SLC1A2: variants seen among roughly 807,000 people sequenced by gnomAD.
SLC1A2 encodes excitatory amino acid transporter 2.
A neutral mutation model predicts 48.8 loss-of-function variants in SLC1A2; 15 were observed. That is an observed-to-expected ratio of 0.31 (90% CI 0.21 to 0.47). The LOEUF (loss-of-function observed/expected upper bound fraction) is 0.47. Among genes scored for constraint, SLC1A2 ranks in the 20% least tolerant of loss-of-function variants. The pLI is 0.99. For missense variants in SLC1A2, 502 were observed against 730.5 expected (o/e 0.69, Z 3.61); for synonymous variants, 279 against 272.6 (o/e 1.02, Z -0.23).
At chr11:35,290,226 G>A (rs1850952614) in intron 7 of SLC1A2, among the ~76,000 whole-genome samples, 1 of 152,142 alleles carries the variant, frequency 6.6e-6, no homozygotes, top group Non-Finnish European at 1.5e-5. Context: ...ATCCTGAGGG[G>A]ATCATCATAC....
At chr11:35,287,076 T>C (rs1565215350) in intron 7 of SLC1A2, 125 bp from the exon 8 acceptor site, 3 of 751,360 alleles carry the variant, frequency 4.0e-6, no homozygotes, top group Middle Eastern at 3.9e-4. Flanking sequence ...CAATGTGACA[T>C]GCAAAAAAGC....
At chr11:35,306,830 G>A (rs1030872879) in intron 4 of SLC1A2, among the ~76,000 whole-genome samples, 11 of 152,098 alleles carry the variant, frequency 7.2e-5, no homozygotes, top group East Asian at 1.9e-4. Flanking sequence ...GATAACGACC[G>A]CCAGTCTTAT....
chr11:35,290,299 A>AAT (rs2134736498), intron 7 of SLC1A2, among the ~76,000 whole-genome samples: 1 of 152,290 alleles, frequency 6.6e-6, no homozygotes, highest in East Asian at 1.9e-4. Context: ...ACATGCCTTA[A>AAT]ATATACATCA....
At chr11:35,384,196 C>T (rs115887535) in intron 1 of SLC1A2, among the ~76,000 whole-genome samples, 2,709 of 152,276 alleles carry the variant, frequency 0.018, 74 homozygotes, top group African/African-American at 0.062. Flanking sequence ...GTAATAGAAG[C>T]TGTCTTGTCA....
At chr11:35,318,009 A>G (rs578014396) in intron 1 of SLC1A2, among the ~76,000 whole-genome samples, 3 of 152,220 alleles carry the variant, frequency 2.0e-5, no homozygotes, top group Non-Finnish European at 4.4e-5. Flanking sequence ...CGTCACAAAC[A>G]CTGATCATCC....
intron 1 of SLC1A2, chr11:35,418,600 C>A: frequency 4.3e-6 from 1 of 229,936 alleles, no homozygotes; most frequent in Non-Finnish European, 8.4e-6. Flanking sequence ...GCGCTCCAGG[C>A]GCTGCTACCC....
chr11:35,365,879 C>A (rs920176469), intron 1 of SLC1A2, among the ~76,000 whole-genome samples: 1 of 152,110 alleles, frequency 6.6e-6, no homozygotes, highest in South Asian at 2.1e-4. Flanking sequence ...CCTAGGAACA[C>A]GTGGCAACAC....
At chr11:35,410,160 A>G (rs202073839) in intron 1 of SLC1A2, among the ~76,000 whole-genome samples, 1 of 7,044 alleles carries the variant, frequency 1.4e-4, no homozygotes, top group South Asian at 4.0e-3. Flanking sequence ...TTCTAACAAA[A>G]AAAATAGTAT....
chr11:35,256,031 C>T lies in SLC1A2; in HGVS notation c.*4863G>A, dbSNP rs1169535208. ...CTTAAGAAGGAAACAAAGCAGAGAT[C>T]ATAATACATTGGGCTCATAGGGCTG... On this transcript the variant is annotated 3_prime_UTR_variant, in exon 11 of 11. Coordinates refer to ENST00000278379, the MANE Select transcript of SLC1A2 (RefSeq NM_004171.4). The T allele has an allele frequency of 2.6e-5, 4 of 152,134 alleles. No individual in the cohort carries two copies. The highest frequency in any genetic ancestry group is 5.9e-5 in the Non-Finnish European group (4 of 68,012). The allele number at this position is 152,134 out of a possible 1,614,324, so 9.4% of individuals were successfully genotyped here. A position where few individuals can be genotyped will look rare whatever the true frequency, so the allele number is the denominator to read the frequency against.
chr11:35,278,261 C>CTGT (rs1472260618), intron 9 of SLC1A2, among the ~76,000 whole-genome samples: 2 of 133,660 alleles, frequency 1.5e-5, no homozygotes, highest in African/African-American at 5.5e-5. Context: ...CTTCTTACTT[C>CTGT]TGTTTTTTTT....
chr11:35,342,524 GTT>G (rs1565260407), intron 1 of SLC1A2, among the ~76,000 whole-genome samples: 1 of 15,648 alleles, frequency 6.4e-5, no homozygotes, highest in Admixed American at 7.8e-4. Flanking sequence ...TGTTTTTTTT[GTT>G]GTTGTTGTTG....
At position 35,338,852 on chromosome 11, in the gene SLC1A2, A is replaced by C. The variant is rs531464837; in HGVS notation, c.18-21336T>G. 5.3e-5 allele frequency among the ~76,000 whole-genome samples: 8 copies of C among 152,348 alleles called. No homozygotes were observed. In the South Asian group the frequency reaches 6.2e-4, roughly 12 times the overall value. On this transcript the variant is annotated intron_variant, in intron 1 of 10. Transcript: ENST00000278379. ...ACACAATTACTTTACCCACTAAGAT[A>C]CACCTGATCAAGATCACATAACCAG...
intron 9 of SLC1A2, among the ~76,000 whole-genome samples, chr11:35,280,129 T>C (rs1169104354): frequency 1.3e-5 from 2 of 152,178 alleles, no homozygotes; most frequent in African/African-American, 4.8e-5. Context: ...TCTATCCCCC[T>C]ATACCTGGCC....
intron 1 of SLC1A2, among the ~76,000 whole-genome samples, chr11:35,395,671 CTTTTTTT>C (rs111353211): frequency 7.2e-6 from 1 of 138,828 alleles, no homozygotes; most frequent in Non-Finnish European, 1.6e-5. Flanking sequence ...CTCCAAACTT[CTTTTTTT>C]TTTTTTTTTA....
chr11:35,416,712 A>G (rs1046692352), intron 1 of SLC1A2, among the ~76,000 whole-genome samples: 1 of 152,240 alleles, frequency 6.6e-6, no homozygotes, highest in African/African-American at 2.4e-5. Context: ...TCAGTAATGT[A>G]TGTTTCAAGG....
chr11:35,319,430 C>T (rs1851989550), intron 1 of SLC1A2, among the ~76,000 whole-genome samples: 1 of 152,220 alleles, frequency 6.6e-6, no homozygotes, highest in Non-Finnish European at 1.5e-5. Context: ...GAATGTATTT[C>T]CTTAGCCAGC....
intron 1 of SLC1A2, among the ~76,000 whole-genome samples, chr11:35,403,543 G>A (rs1855193873): frequency 6.6e-6 from 1 of 152,150 alleles, no homozygotes; most frequent in African/African-American, 2.4e-5. Context: ...CGTAATTTGG[G>A]CAAAATGAAA....
At chr11:35,367,844 A>G (rs1345072760) in intron 1 of SLC1A2, among the ~76,000 whole-genome samples, 1 of 152,244 alleles carries the variant, frequency 6.6e-6, no homozygotes, top group Non-Finnish European at 1.5e-5. Flanking sequence ...ATTCTAAGAC[A>G]AAATTTTAGA....
chr11:35,353,964 C>T (rs150951205), intron 1 of SLC1A2, among the ~76,000 whole-genome samples: 2 of 152,212 alleles, frequency 1.3e-5, no homozygotes, highest in Admixed American at 1.3e-4. Flanking sequence ...ACAGACAGCA[C>T]TGTTAGAATG....
Sources: allele counts gnomAD v4.1 joint callset (sites outside exome capture counted in the v4.1 genomes callset), GRCh38; gene constraint gnomAD v4.1.1; transcripts MANE v1.5; gene names NCBI Gene and HGNC (gene_info 2026-07-23, HGNC 2026-07-21).